The following SEZ6L variants were observed in gnomAD, a reference collection of about 807,000 sequenced individuals.
SEZ6L encodes seizure related 6 homolog like, also known as seizure 6-like protein.
In SEZ6L, 37 loss-of-function variants were observed where a neutral mutation model predicts 106.2. The observed-to-expected ratio is 0.35, with a 90% confidence interval of 0.27 to 0.46. The LOEUF is 0.46. SEZ6L is among the 20% of genes least tolerant of loss of function. SEZ6L has a pLI of 1.00. For synonymous variants in SEZ6L, 541 were observed against 570.4 expected (o/e 0.95, Z 0.73); for missense variants, 1,172 against 1,332.8 (o/e 0.88, Z 1.88).
intron 1 of SEZ6L, among the ~76,000 whole-genome samples, chr22:26,201,901 T>A (rs1940983190): frequency 6.6e-6 from 1 of 152,056 alleles, no homozygotes; most frequent in Non-Finnish European, 1.5e-5. Flanking sequence ...TGAGTCAGAT[T>A]TTTTGTTGTT....
intron 1 of SEZ6L, among the ~76,000 whole-genome samples, chr22:26,266,916 G>A (rs1036345776): frequency 6.6e-5 from 10 of 152,118 alleles, no homozygotes; most frequent in African/African-American, 2.4e-4. Flanking sequence ...GGGGGAAGAA[G>A]CACCTATTTC....
chr22:26,227,335 C>T (rs991691885), intron 1 of SEZ6L, among the ~76,000 whole-genome samples: 3 of 152,108 alleles, frequency 2.0e-5, no homozygotes, highest in South Asian at 2.1e-4. Flanking sequence ...AATGAGCTGA[C>T]GTGTAGAAAG....
chr22:26,335,567 C>G (rs753825137), intron 9 of SEZ6L, among the ~76,000 whole-genome samples: 1 of 152,128 alleles, frequency 6.6e-6, no homozygotes, highest in Non-Finnish European at 1.5e-5. Flanking sequence ...GTCTCCTGAG[C>G]ACAGCTGCTC....
Position 26,382,767 on chromosome 22 carries a change from G to A in SEZ6L, c.*2472G>A, listed in dbSNP as rs1376382037. ...AAAAATAGTGCCAAAAATGTGCAAG[G>A]CATCTCATTACAGCTCATGTACGTC... On this transcript the variant is annotated 3_prime_UTR_variant, in exon 17 of 17. Coordinates refer to ENST00000248933, the MANE Select transcript of SEZ6L (RefSeq NM_021115.5). 6.6e-6 allele frequency: 1 copy of A among 152,032 alleles called. No homozygotes were observed. Among genetic ancestry groups the A allele is most frequent in the Non-Finnish European group, 1.5e-5 (1 of 68,016 alleles). 9.4% of individuals were successfully genotyped at this position (152,032 alleles called of 1,614,324 possible).
intron 1 of SEZ6L, among the ~76,000 whole-genome samples, chr22:26,181,407 T>A (rs1231258498): frequency 6.6e-6 from 1 of 152,202 alleles, no homozygotes; most frequent in Non-Finnish European, 1.5e-5. Context: ...TGGAAATTAA[T>A]GTAAAATATG....
intron 2 of SEZ6L, among the ~76,000 whole-genome samples, chr22:26,293,783 C>A (rs1408400206): frequency 1.3e-5 from 2 of 152,222 alleles, no homozygotes; most frequent in Non-Finnish European, 2.9e-5. Context: ...TTTCAAAGCA[C>A]ATTTGCTTTT....
intron 1 of SEZ6L, among the ~76,000 whole-genome samples, chr22:26,247,313 T>C (rs2079390785): frequency 6.6e-6 from 1 of 152,132 alleles, no homozygotes. Flanking sequence ...CTTTGTACTG[T>C]GTCAAATAGT....
chr22:26,248,157 T>G (rs900891403), intron 1 of SEZ6L, among the ~76,000 whole-genome samples: 4 of 152,190 alleles, frequency 2.6e-5, no homozygotes, highest in African/African-American at 9.7e-5. Context: ...ACCTACTGTG[T>G]GCCAGGTAGT....
At chr22:26,343,981 C>G (rs917663810) in intron 10 of SEZ6L, among the ~76,000 whole-genome samples, 3 of 152,172 alleles carry the variant, frequency 2.0e-5, no homozygotes, top group Non-Finnish European at 4.4e-5. Flanking sequence ...TGATGCCTGC[C>G]ATGGGCATGA....
At chr22:26,292,117 G>A (rs1601402405) in intron 1 of SEZ6L, 1 of 350,472 alleles carries the variant, frequency 2.9e-6, no homozygotes, top group East Asian at 4.5e-5. Context: ...AAGGGGAAAG[G>A]AAGGAGGGAG....
chr22:26,284,455 A>G (rs2080865166), intron 1 of SEZ6L, among the ~76,000 whole-genome samples: 1 of 152,010 alleles, frequency 6.6e-6, no homozygotes, highest in Non-Finnish European at 1.5e-5. Context: ...AAAAATATAA[A>G]AAATATTAGC....
rs1221166280 is a variant in SEZ6L at position 26,296,827 on chromosome 22, A to G, written c.970-61A>G. 13 of 1,408,196 alleles carry G rather than the reference A, an allele frequency of 9.2e-6. No homozygotes were observed. The Middle Eastern group carries it at 9.4e-4, about 102-fold the overall frequency. The allele number at this position is 1,408,196 out of a possible 1,614,324, so 87.2% of individuals were successfully genotyped here. On this transcript the variant is annotated intron_variant, in intron 3 of 16. Transcript: ENST00000248933. ...TTTTCACTGACTTCTTTGCAACCTT[A>G]GAAGGCTCTGTCTCAAACACAACTC...
At chr22:26,229,740 T>G (rs2078741244) in intron 1 of SEZ6L, among the ~76,000 whole-genome samples, 1 of 152,062 alleles carries the variant, frequency 6.6e-6, no homozygotes, top group South Asian at 2.1e-4. Context: ...GAAGCAGGTA[T>G]TGTTTTGAAA....
intron 1 of SEZ6L, among the ~76,000 whole-genome samples, chr22:26,189,723 A>C (rs1384059614): frequency 2.6e-5 from 4 of 152,202 alleles, no homozygotes; most frequent in Admixed American, 6.5e-5. Context: ...GGATCTTGGC[A>C]TCCTGGGGGT....
chr22:26,267,796 C>A (rs2080237494), intron 1 of SEZ6L, among the ~76,000 whole-genome samples: 1 of 152,096 alleles, frequency 6.6e-6, no homozygotes, highest in Non-Finnish European at 1.5e-5. Context: ...GATTTAAGGT[C>A]AGATGAGAGG....
intron 1 of SEZ6L, among the ~76,000 whole-genome samples, chr22:26,229,207 G>C (rs867982387): frequency 2.0e-5 from 3 of 152,140 alleles, no homozygotes; most frequent in Non-Finnish European, 2.9e-5. Flanking sequence ...GTGTTGGCCA[G>C]GTTTGTCTGG....
At chr22:26,180,261 AC>A (rs1289900961) in intron 1 of SEZ6L, among the ~76,000 whole-genome samples, 1 of 152,304 alleles carries the variant, frequency 6.6e-6, no homozygotes, top group East Asian at 1.9e-4. Flanking sequence ...TGGCTCTGCA[AC>A]CCTTTTGCCA....
In SEZ6L at chr22:26,252,157, C is replaced by G. The variant is rs2145796146; in HGVS notation, c.95-40249C>G. Among the ~76,000 whole-genome samples, 3 of 152,144 alleles carry G rather than the reference C, an allele frequency of 2.0e-5. 1 individual carries two copies. The Middle Eastern group carries it at 0.01, about 521-fold the overall frequency. On this transcript the variant is annotated intron_variant, in intron 1 of 16. Coordinates refer to ENST00000248933, the MANE Select transcript of SEZ6L (RefSeq NM_021115.5). ...GTCAGAGTCTACATTTTAACAAGGTCCCCAGGTGTCTCATGTGCACATTCA... is the reference window on the plus strand; with the variant it reads ...GTCAGAGTCTACATTTTAACAAGGTGCCCAGGTGTCTCATGTGCACATTCA...
rs1364806139 is a variant in SEZ6L at position 26,306,014 on chromosome 22, G to A, written c.1384G>A (p.Gly462Ser). The change falls in exon 6 of 17, where the codon GGC becomes AGC. Residue 462 changes from glycine to serine, a missense_variant. By Grantham distance (56) the Gly-to-Ser change is moderately conservative. Coordinates refer to ENST00000248933, the MANE Select transcript of SEZ6L (RefSeq NM_021115.5). ...AGGGGCAGTGCACAATGCCACCATC[G>A]GCCGCGTCCTCTCCCCAAGTTACCC... ...CGGAVHNATI[G>S]RVLSPSYPEN... 3.2e-6 allele frequency: 5 copies of A among 1,581,836 alleles called. No individual in the cohort carries two copies. The highest frequency in any genetic ancestry group is 1.4e-5 in the African/African-American group (1 of 73,904).
Sources: gnomAD v4.1 joint callset for allele counts (sites outside exome capture counted in the v4.1 genomes callset) on GRCh38, gnomAD v4.1.1 for gene constraint, MANE v1.5 for transcripts, NCBI Gene and HGNC (gene_info 2026-07-23, HGNC 2026-07-21) for gene names.